The following TMEM45A variants were observed in gnomAD, a reference collection of about 807,000 sequenced individuals.
The protein encoded by TMEM45A is transmembrane protein 45A.
A neutral mutation model predicts 32.0 loss-of-function variants in TMEM45A; 25 were observed. That is an observed-to-expected ratio of 0.78 (90% CI 0.57 to 1.09). TMEM45A has a LOEUF of 1.09. TMEM45A is among the 50% of genes least tolerant of loss of function. The probability of loss-of-function intolerance (pLI) is 0.00; values close to 1 mark genes in which losing one functional copy is unlikely to be tolerated. For synonymous variants in TMEM45A, 122 were observed against 114.8 expected, an observed-to-expected ratio of 1.06 and a Z score of -0.40; for missense variants, 302 against 325.0, an observed-to-expected ratio of 0.93 and a Z score of 0.54.
intron 1 of TMEM45A, among the ~76,000 whole-genome samples, chr3:100,539,437 G>GCA (rs1303371655): frequency 0.33 from 35,567 of 108,412 alleles, 6,855 homozygotes; most frequent in Admixed American, 0.4. Flanking sequence ...AATAGGATAT[G>GCA]TATATGTATA....
intron 5 of TMEM45A, among the ~76,000 whole-genome samples, chr3:100,576,462 A>T (rs900619711): frequency 2.6e-5 from 4 of 151,982 alleles, no homozygotes; most frequent in African/African-American, 9.7e-5. Flanking sequence ...GTTTAAAAAA[A>T]AATAATAATT....
intron 1 of TMEM45A, among the ~76,000 whole-genome samples, chr3:100,516,357 T>C (rs1426341313): frequency 2.6e-5 from 4 of 152,192 alleles, no homozygotes; most frequent in African/African-American, 9.7e-5. Flanking sequence ...GTGACTTATG[T>C]TTTGTGGTGG....
At chr3:100,517,966 G>A (rs564365100) in intron 1 of TMEM45A, among the ~76,000 whole-genome samples, 11 of 152,304 alleles carry the variant, frequency 7.2e-5, no homozygotes, top group African/African-American at 9.6e-5. Flanking sequence ...CATTAGCCAC[G>A]TTTCTAAAAT....
rs755876640 is a variant in TMEM45A at position 100,558,490 on chromosome 3, A to G, written c.489A>G (p.Thr163=). 1.2e-5 allele frequency: 20 copies of G among 1,614,042 alleles called. No homozygotes were observed. Among genetic ancestry groups the G allele is most frequent in the Non-Finnish European group, 1.4e-5 (17 of 1,180,030 alleles). Residue 163 remains threonine, a synonymous_variant, in exon 4 of 6, where the codon ACA becomes ACG. Coordinates refer to ENST00000323523, the MANE Select transcript of TMEM45A (RefSeq NM_018004.3). ...HQLLVLVVFL[T]GLVAFLEFLV... is the part of the protein sequence containing the mutation. ...TGCTGGTTTTGGTCGTCTTTCTGAC[A>G]GGCCTCGTTGCCTTCCTAGAGTTCC...
intron 5 of TMEM45A, chr3:100,572,070 G>A (rs1420110135): frequency 6.6e-6 from 1 of 152,234 alleles, no homozygotes; most frequent in East Asian, 1.9e-4. Context: ...ACATGTGCAT[G>A]TGTCTTTATA....
Position 100,553,191 on chromosome 3 carries a change from G to A in TMEM45A, c.-3-2018G>A, listed in dbSNP as rs112706310. On this transcript the variant is annotated intron_variant, in intron 1 of 5. Transcript: ENST00000323523. ...CCCATTTTACAGAAGAGAAAACTGC[G>A]GCACTGAGGGGTTAAGTAACTTGCC... Among the ~76,000 whole-genome samples, 636 of 152,200 alleles carry A rather than the reference G, an allele frequency of 4.2e-3. 4 individuals are homozygous for A. Among genetic ancestry groups the A allele is most frequent in the African/African-American group, 0.015 (609 of 41,528 alleles).
chr3:100,498,686 G>A, intron 1 of TMEM45A, among the ~76,000 whole-genome samples: 1 of 152,078 alleles, frequency 6.6e-6, no homozygotes. Context: ...GATAAACATT[G>A]GTGTACAAAT....
intron 4 of TMEM45A, among the ~76,000 whole-genome samples, chr3:100,568,297 T>C (rs1446383999): frequency 6.6e-6 from 1 of 152,204 alleles, no homozygotes; most frequent in Admixed American, 6.5e-5. Flanking sequence ...ATGGATGCCT[T>C]TTATTTTTCT....
intron 1 of TMEM45A, among the ~76,000 whole-genome samples, chr3:100,547,807 C>A (rs1333039795): frequency 6.6e-6 from 1 of 152,172 alleles, no homozygotes; most frequent in Non-Finnish European, 1.5e-5. Context: ...AGGTGCATCA[C>A]TACTGACAAA....
chr3:100,511,099 T>C (rs1164152890), intron 1 of TMEM45A, among the ~76,000 whole-genome samples: 2 of 152,024 alleles, frequency 1.3e-5, no homozygotes, highest in Non-Finnish European at 2.9e-5. Context: ...CAGGCCAACA[T>C]TCAGATTCAG....
At chr3:100,571,589 C>CT (rs973707254) in intron 5 of TMEM45A, 2 of 151,848 alleles carry the variant, frequency 1.3e-5, no homozygotes, top group Admixed American at 6.6e-5. Context: ...AAGCAATATT[C>CT]TTTTTTTAAA....
intron 1 of TMEM45A, among the ~76,000 whole-genome samples, chr3:100,536,755 G>A (rs1432800207): frequency 6.6e-6 from 1 of 152,184 alleles, no homozygotes; most frequent in African/African-American, 2.4e-5. Context: ...TTTCTCTGAT[G>A]TCTCACATTG....
chr3:100,518,827 C>T (rs760760774), intron 1 of TMEM45A, among the ~76,000 whole-genome samples: 49 of 152,148 alleles, frequency 3.2e-4, no homozygotes, highest in Non-Finnish European at 6.2e-4. Flanking sequence ...GGCCCTGTTC[C>T]CTGTGGGAGG....
At chr3:100,552,727 G>A (rs1706134145) in intron 1 of TMEM45A, among the ~76,000 whole-genome samples, 1 of 152,164 alleles carries the variant, frequency 6.6e-6, no homozygotes, top group African/African-American at 2.4e-5. Context: ...GAGATGTTTT[G>A]CAAATATATG....
At chr3:100,522,094 T>C (rs913992956) in intron 1 of TMEM45A, among the ~76,000 whole-genome samples, 2 of 145,808 alleles carry the variant, frequency 1.4e-5, no homozygotes, top group Non-Finnish European at 3.0e-5. Context: ...GAGTAACTGT[T>C]GGGGGTGGGG....
Position 100,574,871 on chromosome 3 carries a change from T to A in TMEM45A, c.735-2054T>A, listed in dbSNP as rs1193676762. 4.6e-5 allele frequency among the ~76,000 whole-genome samples: 7 copies of A among 152,226 alleles called. No homozygotes were observed. The East Asian group carries it at 1.3e-3, about 29-fold the overall frequency. Reference sequence around the variant, plus strand: ...TGTTTTATATACTTTTCAATTTTACTGTCATATTGTTCTTGAAAAGATAAG... The same window carrying A: ...TGTTTTATATACTTTTCAATTTTACAGTCATATTGTTCTTGAAAAGATAAG... On this transcript the variant is annotated intron_variant, in intron 5 of 5. Coordinates refer to ENST00000323523, the MANE Select transcript of TMEM45A (RefSeq NM_018004.3).
chr3:100,519,337 T>C, intron 1 of TMEM45A: 1 of 573,122 alleles, frequency 1.7e-6, no homozygotes, highest in South Asian at 2.3e-5. Flanking sequence ...ATACTGTGTT[T>C]GCTTACTAGT....
intron 1 of TMEM45A, among the ~76,000 whole-genome samples, chr3:100,528,287 A>C (rs572267110): frequency 6.6e-6 from 1 of 152,292 alleles, no homozygotes; most frequent in Admixed American, 6.5e-5. Flanking sequence ...AAGGCTCTAT[A>C]TTTGGTTTTC....
intron 1 of TMEM45A, among the ~76,000 whole-genome samples, chr3:100,549,189 G>A (rs1454529180): frequency 1.3e-5 from 2 of 152,006 alleles, no homozygotes; most frequent in East Asian, 1.9e-4. Context: ...GGAGGTTGCA[G>A]TGAGCTGAGA....
Sources: gnomAD v4.1 joint callset for allele counts (sites outside exome capture counted in the v4.1 genomes callset) on GRCh38, gnomAD v4.1.1 for gene constraint, MANE v1.5 for transcripts, NCBI Gene and HGNC (gene_info 2026-07-23, HGNC 2026-07-21) for gene names.